The following GABRB2 variants were observed in gnomAD, a reference collection of about 807,000 sequenced individuals.
GABRB2 encodes the protein gamma-aminobutyric acid receptor subunit beta-2.
GABRB2 carries 16 observed loss-of-function variants against 54.7 expected under a neutral mutation model. The ratio of observed to expected loss-of-function variants is 0.29; its 90% confidence interval spans 0.20 to 0.44. The LOEUF is 0.44. Ranked by LOEUF, GABRB2 falls within the 20% of genes least tolerant of loss-of-function variation. The pLI is 1.00. For missense variants in GABRB2, 355 were observed against 644.0 expected (o/e 0.55, Z 4.86); for synonymous variants, 244 against 233.8 (o/e 1.04, Z -0.40).
chr5:161,517,961 A>G (rs577621908), intron 3 of GABRB2, among the ~76,000 whole-genome samples: 14 of 151,540 alleles, frequency 9.2e-5, no homozygotes, highest in Admixed American at 7.9e-4. Context: ...CACACCCGCC[A>G]CCACGCCCGG....
intron 5 of GABRB2, among the ~76,000 whole-genome samples, chr5:161,408,539 G>A (rs941795411): frequency 9.2e-5 from 14 of 152,146 alleles, no homozygotes; most frequent in African/African-American, 3.1e-4. Flanking sequence ...CAATCCTAAT[G>A]TTCCCTGACT....
At position 161,473,324 on chromosome 5, in the gene GABRB2, CTT is replaced by C. The variant is rs543777789; in HGVS notation, c.238-13482_238-13481del. On this transcript the variant is annotated intron_variant, in intron 3 of 9. Coordinates refer to ENST00000393959, the MANE Select transcript of GABRB2 (RefSeq NM_001371727.1). ...CAATGATAGCCATTTATATAACTAA[CTT>C]ATTACAAAATGCTGAAGTTGGGCAG... 3.4e-3 allele frequency among the ~76,000 whole-genome samples: 513 copies of C among 152,076 alleles called. 1 individual carries two copies. The highest frequency in any genetic ancestry group is 0.01 in the African/African-American group (416 of 41,528).
At chr5:161,349,043 A>G (rs1754393986) in intron 5 of GABRB2, among the ~76,000 whole-genome samples, 1 of 152,020 alleles carries the variant, frequency 6.6e-6, no homozygotes, top group African/African-American at 2.4e-5. Flanking sequence ...CACAAACAAG[A>G]CTCTGAAAGT....
At chr5:161,386,997 C>T (rs1225323625) in intron 5 of GABRB2, among the ~76,000 whole-genome samples, 1 of 151,590 alleles carries the variant, frequency 6.6e-6, no homozygotes, top group African/African-American at 2.4e-5. Context: ...TTCTAAAGGG[C>T]ACATAATCTA....
intron 5 of GABRB2, among the ~76,000 whole-genome samples, chr5:161,363,515 C>T (rs1197172125): frequency 6.6e-6 from 1 of 152,014 alleles, no homozygotes; most frequent in Non-Finnish European, 1.5e-5. Flanking sequence ...TATCCCAGAA[C>T]TTAAAGTATA....
At chr5:161,404,085 A>T (rs13178864) in intron 5 of GABRB2, among the ~76,000 whole-genome samples, 1 of 152,244 alleles carries the variant, frequency 6.6e-6, no homozygotes, top group Non-Finnish European at 1.5e-5. Context: ...AGAGTCTTTG[A>T]GTCCAGATAC....
chr5:161,374,144 A>G (rs1561627049), intron 5 of GABRB2, among the ~76,000 whole-genome samples: 1 of 151,944 alleles, frequency 6.6e-6, no homozygotes, highest in Non-Finnish European at 1.5e-5. Context: ...GGGTTTCTCC[A>G]TGTTGGTCAG....
intron 3 of GABRB2, among the ~76,000 whole-genome samples, chr5:161,464,883 T>G (rs572488208): frequency 2.5e-4 from 38 of 151,932 alleles, no homozygotes; most frequent in African/African-American, 8.9e-4. Context: ...TCCCCTGGGG[T>G]TCAAGATGGG....
chr5:161,405,309 T>C (rs576275879), intron 5 of GABRB2, among the ~76,000 whole-genome samples: 1 of 152,026 alleles, frequency 6.6e-6, no homozygotes, highest in Non-Finnish European at 1.5e-5. Flanking sequence ...AAAATGTAAC[T>C]CTAACTGAGC....
chr5:161,363,704 A>T (rs1754888500), intron 5 of GABRB2, among the ~76,000 whole-genome samples: 1 of 152,094 alleles, frequency 6.6e-6, no homozygotes, highest in Non-Finnish European at 1.5e-5. Flanking sequence ...CCTGCCTCAA[A>T]AAAACAAAAA....
At chr5:161,542,239 T>C (rs1760842696) in intron 3 of GABRB2, among the ~76,000 whole-genome samples, 1 of 152,070 alleles carries the variant, frequency 6.6e-6, no homozygotes, top group Non-Finnish European at 1.5e-5. Context: ...ATGAAACAAT[T>C]TGAAATATTG....
At chr5:161,349,588 G>C (rs966976169) in intron 5 of GABRB2, among the ~76,000 whole-genome samples, 6 of 152,028 alleles carry the variant, frequency 3.9e-5, no homozygotes, top group African/African-American at 7.2e-5. Flanking sequence ...CTGAGATTAG[G>C]TTATAAAAAG....
At chr5:161,520,648 C>T (rs114869302) in intron 3 of GABRB2, among the ~76,000 whole-genome samples, 3,504 of 151,988 alleles carry the variant, frequency 0.023, 47 homozygotes, top group Non-Finnish European at 0.032. Context: ...TGCCTAAATT[C>T]GCAAGCGTTT....
chr5:161,434,669 T>A (rs1464245952), intron 4 of GABRB2, among the ~76,000 whole-genome samples: 4 of 152,176 alleles, frequency 2.6e-5, no homozygotes, highest in Non-Finnish European at 5.9e-5. Context: ...AGTGTATTTG[T>A]CACCCCCTCC....
At chr5:161,308,351 G>A (rs1561601884) in intron 9 of GABRB2, among the ~76,000 whole-genome samples, 1 of 152,106 alleles carries the variant, frequency 6.6e-6, no homozygotes, top group South Asian at 2.1e-4. Context: ...CATCAATTGA[G>A]CCAATGAAAT....
chr5:161,418,806 T>C (rs565976662), intron 4 of GABRB2, among the ~76,000 whole-genome samples: 1 of 152,042 alleles, frequency 6.6e-6, no homozygotes, highest in South Asian at 2.1e-4. Flanking sequence ...AAAAATAACA[T>C]CATTAAAAAG....
intron 4 of GABRB2, among the ~76,000 whole-genome samples, chr5:161,458,771 C>T (rs2113260997): frequency 6.6e-6 from 1 of 152,278 alleles, no homozygotes; most frequent in South Asian, 2.1e-4. Flanking sequence ...CATGAAAGCA[C>T]TTAGCTCAAT....
chr5:161,402,223 G>T (rs1265591155), intron 5 of GABRB2, among the ~76,000 whole-genome samples: 1 of 151,944 alleles, frequency 6.6e-6, no homozygotes, highest in East Asian at 1.9e-4. Context: ...ACTGGTTACA[G>T]AAATTATGGT....
At chr5:161,355,087 GTCTT>G (rs1303794065) in intron 5 of GABRB2, among the ~76,000 whole-genome samples, 1 of 151,670 alleles carries the variant, frequency 6.6e-6, no homozygotes, top group African/African-American at 2.4e-5. Context: ...TGACTTCTCT[GTCTT>G]ATACTAAGAT....
Sources: gnomAD v4.1 joint callset for allele counts (sites outside exome capture counted in the v4.1 genomes callset) on GRCh38, gnomAD v4.1.1 for gene constraint, MANE v1.5 for transcripts, NCBI Gene and HGNC (gene_info 2026-07-23, HGNC 2026-07-21) for gene names.